The following HHAT variants were observed in gnomAD, a reference collection of about 807,000 sequenced individuals.
HHAT encodes the protein protein-cysteine N-palmitoyltransferase HHAT.
HHAT carries 47 observed loss-of-function variants against 70.8 expected under a neutral mutation model. The observed-to-expected ratio is 0.66, with a 90% CI of 0.53 to 0.85. The LOEUF (loss-of-function observed/expected upper bound fraction) is 0.85. HHAT is among the 40% of genes least tolerant of loss of function. The pLI, the probability that HHAT is intolerant of heterozygous loss-of-function variation, is 0.00. For synonymous variants in HHAT, 228 were observed against 247.6 expected, an observed-to-expected ratio of 0.92 and a Z score of 0.74; for missense variants, 609 against 604.8, an observed-to-expected ratio of 1.01 and a Z score of -0.07.
At chr1:210,426,857 T>G (rs2093078580) in intron 7 of HHAT, among the ~76,000 whole-genome samples, 1 of 152,200 alleles carries the variant, frequency 6.6e-6, no homozygotes, top group South Asian at 2.1e-4. Flanking sequence ...CCTCATAGAA[T>G]GAATTAGGTA....
rs886190676 is a variant in HHAT, at chr1:210,656,401, A to G, written c.1391-17887A>G. Among the ~76,000 whole-genome samples the G allele has an allele frequency of 8.5e-5, 7 of 82,738 alleles. No individual in the cohort carries two copies. The Admixed American group carries it at 9.1e-4, about 11-fold the overall frequency. The allele number at this position is 82,738 out of a possible 152,430, so 54.3% of individuals were successfully genotyped here. On this transcript the variant is annotated intron_variant, in intron 11 of 11. Coordinates refer to ENST00000261458, the MANE Select transcript of HHAT (RefSeq NM_018194.6). ...TTTCTCTTACCCTCAGGCTGAGCACACATACCCCCCCCGTCCCCCTGCCCT... is the reference window on the plus strand; with the variant it reads ...TTTCTCTTACCCTCAGGCTGAGCACGCATACCCCCCCCGTCCCCCTGCCCT...
chr1:210,531,670 T>C (rs1004118704), intron 9 of HHAT, among the ~76,000 whole-genome samples: 1 of 152,168 alleles, frequency 6.6e-6, no homozygotes. Flanking sequence ...CTCTTATCTG[T>C]CCATCAGTCC....
chr1:210,546,583 AC>A (rs1182684937), intron 9 of HHAT, among the ~76,000 whole-genome samples: 3 of 152,100 alleles, frequency 2.0e-5, no homozygotes, highest in Non-Finnish European at 2.9e-5. Context: ...GGAAGGTGGG[AC>A]CTTATCCTGT....
intron 7 of HHAT, among the ~76,000 whole-genome samples, chr1:210,425,719 TATC>T (rs1485155142): frequency 1.3e-5 from 2 of 152,196 alleles, no homozygotes; most frequent in Non-Finnish European, 2.9e-5. Flanking sequence ...TCTGTATCAG[TATC>T]ATGCTGTTTT....
chr1:210,334,141 T>G (rs60660501), intron 1 of HHAT, among the ~76,000 whole-genome samples: 129 of 149,792 alleles, frequency 8.6e-4, no homozygotes, highest in African/African-American at 3.0e-3. Flanking sequence ...TAGTGGTTGT[T>G]TTTCATCTAA....
intron 1 of HHAT, among the ~76,000 whole-genome samples, chr1:210,341,209 C>G (rs1001649901): frequency 1.3e-5 from 2 of 152,114 alleles, no homozygotes; most frequent in Non-Finnish European, 2.9e-5. Context: ...GGATTGTTAG[C>G]TTAATGATGA....
chr1:210,413,705 A>ATGTT (rs1188353998), intron 6 of HHAT, among the ~76,000 whole-genome samples: 1 of 152,192 alleles, frequency 6.6e-6, no homozygotes, highest in African/African-American at 2.4e-5. Flanking sequence ...TTTCAATACC[A>ATGTT]TGTTTCTCTT....
chr1:210,594,421 C>A (rs1425950290), intron 10 of HHAT, among the ~76,000 whole-genome samples: 1 of 152,086 alleles, frequency 6.6e-6, no homozygotes, highest in Non-Finnish European at 1.5e-5. Context: ...AATTAATAAG[C>A]AAAGAGAAAA....
intron 4 of HHAT, among the ~76,000 whole-genome samples, chr1:210,398,025 T>A (rs2091887791): frequency 6.6e-6 from 1 of 152,210 alleles, no homozygotes; most frequent in Admixed American, 6.5e-5. Flanking sequence ...TGAGATGGAA[T>A]TTTACTCTTG....
intron 11 of HHAT, among the ~76,000 whole-genome samples, chr1:210,633,070 T>G (rs1413537424): frequency 6.6e-6 from 1 of 152,114 alleles, no homozygotes; most frequent in Non-Finnish European, 1.5e-5. Context: ...GACACTAAAT[T>G]TCTGTGGTTC....
At chr1:210,629,710 T>G (rs1435418354) in intron 11 of HHAT, among the ~76,000 whole-genome samples, 2 of 152,216 alleles carry the variant, frequency 1.3e-5, no homozygotes, top group South Asian at 2.1e-4. Flanking sequence ...GGCTCATGCC[T>G]TCCTTCCTTC....
intron 11 of HHAT, among the ~76,000 whole-genome samples, chr1:210,657,853 T>C (rs1676775824): frequency 6.6e-6 from 1 of 152,112 alleles, no homozygotes; most frequent in Admixed American, 6.5e-5. Flanking sequence ...TCCACAAGTG[T>C]AGAGGATGCC....
intron 9 of HHAT, among the ~76,000 whole-genome samples, chr1:210,581,002 T>C (rs560442049): frequency 6.6e-6 from 1 of 152,296 alleles, no homozygotes; most frequent in East Asian, 1.9e-4. Flanking sequence ...TTCCTGACTT[T>C]TTAATAATCA....
At position 210,577,147 on chromosome 1, in the gene HHAT, T is replaced by G. The variant is rs187791508; in HGVS notation, c.1044-10751T>G. Among the ~76,000 whole-genome samples, 570 of 152,286 alleles carry G rather than the reference T, an allele frequency of 3.7e-3. 8 individuals are homozygous for G. The highest frequency in any genetic ancestry group is 0.019 in the South Asian group (94 of 4,822). On this transcript the variant is annotated intron_variant, in intron 9 of 11. Coordinates refer to ENST00000261458, the MANE Select transcript of HHAT (RefSeq NM_018194.6). ...CTATAAACAGACATAATGTTATTTC[T>G]TCCTTTCCAGTTCATATGCCTTTTA...
rs922742226 is a variant in HHAT, at chr1:210,478,841, G to A, written c.1007+14186G>A. ...TGGATACTCTGGAACTGTTGGCCCC[G>A]AGGAATGTGTCATGAAATGTTTTTC... On this transcript the variant is annotated intron_variant, in intron 8 of 11. Transcript: ENST00000261458. Among the ~76,000 whole-genome samples the A allele has an allele frequency of 7.2e-5, 11 of 152,118 alleles. No homozygotes were observed. The East Asian group carries it at 1.5e-3, about 21-fold the overall frequency.
intron 9 of HHAT, among the ~76,000 whole-genome samples, chr1:210,545,436 C>CTT (rs71571956): frequency 0.069 from 8,793 of 127,128 alleles, 604 homozygotes; most frequent in East Asian, 0.29. Context: ...CTTTTTTTTC[C>CTT]TTTTTTTTTT....
intron 10 of HHAT, among the ~76,000 whole-genome samples, chr1:210,616,190 A>G (rs1296965452): frequency 1.3e-5 from 2 of 151,894 alleles, no homozygotes; most frequent in African/African-American, 4.8e-5. Context: ...TGTGGTGACA[A>G]CACTTAAAAT....
intron 7 of HHAT, among the ~76,000 whole-genome samples, chr1:210,420,599 A>T (rs1284678123): frequency 1.3e-5 from 2 of 152,158 alleles, no homozygotes; most frequent in African/African-American, 4.8e-5. Flanking sequence ...GCACATGTAT[A>T]CATATGTAGC....
intron 11 of HHAT, among the ~76,000 whole-genome samples, chr1:210,639,728 C>T (rs1672624203): frequency 6.6e-6 from 1 of 152,156 alleles, no homozygotes; most frequent in South Asian, 2.1e-4. Context: ...TCAAGGTTGA[C>T]CTGGTTCAAA....
Sources: gnomAD v4.1 joint callset for allele counts (sites outside exome capture counted in the v4.1 genomes callset) on GRCh38, gnomAD v4.1.1 for gene constraint, MANE v1.5 for transcripts, NCBI Gene and HGNC (gene_info 2026-07-23, HGNC 2026-07-21) for gene names.